The following IFRD1 variants were observed in gnomAD, a reference collection of about 807,000 sequenced individuals.
IFRD1 encodes the protein interferon-related developmental regulator 1.
Under a neutral mutation model 52.9 loss-of-function variants are expected in IFRD1, and 35 were observed. The observed-to-expected ratio is 0.66, with a 90% CI of 0.51 to 0.88. The LOEUF (loss-of-function observed/expected upper bound fraction) is 0.88. Ranked by LOEUF, IFRD1 falls within the 40% of genes least tolerant of loss-of-function variation. The pLI, the probability that IFRD1 is intolerant of heterozygous loss-of-function variation, is 0.00. For synonymous variants in IFRD1, 184 were observed against 188.4 expected (o/e 0.98, Z 0.19); for missense variants, 517 against 550.8 (o/e 0.94, Z 0.61).
In IFRD1 at chr7:112,467,629, G is replaced by A. The variant is rs79529595; in HGVS notation, c.907-352G>A. ...TCTGTGAATGTTTGGTTTGGGGACT[G>A]GGGAGCCAAGGGTAGAAGCTATATT... is the stretch of plus-strand genomic sequence containing the variant. On this transcript the variant is annotated intron_variant, in intron 8 of 11. Coordinates refer to ENST00000403825, the MANE Select transcript of IFRD1 (RefSeq NM_001550.4). 9.4e-3 allele frequency: 2,439 copies of A among 258,950 alleles called. 64 individuals are homozygous for A. The highest frequency in any genetic ancestry group is 0.051 in the African/African-American group (2,255 of 44,648). 16.0% of individuals were successfully genotyped at this position (258,950 alleles called of 1,614,324 possible). A position where few individuals can be genotyped will look rare whatever the true frequency, so the allele number is the denominator to read the frequency against.
chr7:112,461,922 T>TA lies in IFRD1; in HGVS notation c.618+12dup, dbSNP rs765817512. The TA allele has an allele frequency of 1.2e-5, 20 of 1,610,122 alleles. No homozygotes were observed. The Admixed American group carries it at 1.5e-4, about 12-fold the overall frequency. ...TTGCCACAGATGACATTACTGTAAGTAAAAAACCTTTGATTCTAGTTATCT... is the reference window on the plus strand; with the variant it reads ...TTGCCACAGATGACATTACTGTAAGTAAAAAAACCTTTGATTCTAGTTATCT... On this transcript the variant is annotated splice_region_variant and intron_variant, in intron 6 of 11. Coordinates refer to ENST00000403825, the MANE Select transcript of IFRD1 (RefSeq NM_001550.4).
upstream of IFRD1, among the ~76,000 whole-genome samples, chr7:112,449,489 C>T (rs1224139390): frequency 6.6e-6 from 1 of 152,036 alleles, no homozygotes. Context: ...GGTGGAGTGG[C>T]GGATGACTCA....
chr7:112,466,578 A>G (rs1275902494), intron 8 of IFRD1, among the ~76,000 whole-genome samples: 2 of 152,180 alleles, frequency 1.3e-5, no homozygotes, highest in African/African-American at 4.8e-5. Context: ...TGTCTCAGAC[A>G]TAGTCAGATG....
At chr7:112,428,406 G>C (rs1794474370) in intron 1 of IFRD1, among the ~76,000 whole-genome samples, 1 of 152,222 alleles carries the variant, frequency 6.6e-6, no homozygotes, top group Non-Finnish European at 1.5e-5. Flanking sequence ...AACGAGTTTG[G>C]AAAAGCTATT....
Position 112,462,007 on chromosome 7 carries a change from T to C in IFRD1, c.625T>C (p.Tyr209His). ...FIATDDITEL[Y>H]STLECLENIF... ...TCATATTCTTATGCATTAGGAACTA[T>C]ACTCAACTCTGGAATGTTTGGAAAA... The change falls in exon 7 of 12, where the codon TAC (tyrosine) becomes CAC (histidine). Residue 209 changes from tyrosine to histidine, a missense_variant. Transcript: ENST00000403825. 6.2e-7 allele frequency: 1 copy of C among 1,610,846 alleles called. No individual in the cohort carries two copies. Among genetic ancestry groups the C allele is most frequent in the Non-Finnish European group, 8.5e-7 (1 of 1,177,230 alleles).
At chr7:112,461,743 G>T in intron 5 of IFRD1, 123 bp from the exon 6 acceptor site, 1 of 560,010 alleles carries the variant, frequency 1.8e-6, no homozygotes, top group South Asian at 2.8e-5. Context: ...TATGTATAAT[G>T]TTTGGGACCT....
At chr7:112,441,311 C>T (rs1794881490) in intron 1 of IFRD1, among the ~76,000 whole-genome samples, 1 of 146,204 alleles carries the variant, frequency 6.8e-6, no homozygotes, top group African/African-American at 2.4e-5. Flanking sequence ...CAAAAATTAG[C>T]CGAGCATGGT....
intron 1 of IFRD1, among the ~76,000 whole-genome samples, chr7:112,423,850 T>C (rs1794372691): frequency 6.6e-6 from 1 of 152,192 alleles, no homozygotes; most frequent in African/African-American, 2.4e-5. Context: ...CGTGGATTTA[T>C]CATGTACATC....
At chr7:112,448,872 A>G (rs1795086805), upstream of IFRD1, among the ~76,000 whole-genome samples, 1 of 152,244 alleles carries the variant, frequency 6.6e-6, no homozygotes, top group Admixed American at 6.5e-5. Flanking sequence ...AAGGCATTAC[A>G]AGAACAGGAA....
At position 112,450,907 on chromosome 7, in the gene IFRD1, G is replaced by A. The variant is rs992588034; in HGVS notation, c.94+125G>A. Reference sequence around the variant, plus strand: ...CACATTTGCATTTCCAGGGTGCGTGGTTTGGCTACTGAACTACAATTCCCA... The same window carrying A: ...CACATTTGCATTTCCAGGGTGCGTGATTTGGCTACTGAACTACAATTCCCA... On this transcript the variant is annotated intron_variant, in intron 1 of 11. Transcript: ENST00000403825. 17 of 740,274 alleles carry A rather than the reference G, an allele frequency of 2.3e-5. No homozygotes were observed. In the Admixed American group the frequency reaches 2.9e-4, roughly 13 times the overall value. The allele number at this position is 740,274 out of a possible 1,614,324, so 45.9% of individuals were successfully genotyped here. A position where few individuals can be genotyped will look rare whatever the true frequency, so the allele number is the denominator to read the frequency against.
At chr7:112,453,840 GT>G (rs1795223223) in intron 1 of IFRD1, among the ~76,000 whole-genome samples, 3 of 151,754 alleles carry the variant, frequency 2.0e-5, no homozygotes, top group Admixed American at 6.6e-5. Flanking sequence ...TAAATTCTCT[GT>G]TTTGATTTTA....
rs1413071798 is a variant in IFRD1, at chr7:112,476,985, C to G, written c.*1466C>G. 6.6e-6 allele frequency: 1 copy of G among 152,158 alleles called. No individual in the cohort carries two copies. The highest frequency in any genetic ancestry group is 1.5e-5 in the Non-Finnish European group (1 of 68,024). The allele number at this position is 152,158 out of a possible 1,614,324, so 9.4% of individuals were successfully genotyped here. ...AATCATTTGCTGGCTTATGGAGTCA[C>G]TGTTGCTGAGTCCCATCCCCCAGTT... is the stretch of plus-strand genomic sequence containing the variant. On this transcript the variant is annotated 3_prime_UTR_variant, in exon 12 of 12. Transcript: ENST00000403825.
chr7:112,438,551 T>C (rs1402361792), intron 1 of IFRD1, among the ~76,000 whole-genome samples: 1 of 152,120 alleles, frequency 6.6e-6, no homozygotes, highest in Non-Finnish European at 1.5e-5. Context: ...ATTTTGAGAG[T>C]TCCTTGATCA....
intron 5 of IFRD1, chr7:112,461,400 A>G (rs909171724): frequency 5.2e-5 from 8 of 153,300 alleles, no homozygotes; most frequent in African/African-American, 1.9e-4. Flanking sequence ...TAAGCTTTCT[A>G]TCTTTGAATT....
chr7:112,448,509 C>T (rs1795079893), upstream of IFRD1, among the ~76,000 whole-genome samples: 1 of 152,210 alleles, frequency 6.6e-6, no homozygotes, highest in African/African-American at 2.4e-5. Context: ...TGTGAGACAT[C>T]TCATTCTGTA....
Position 112,456,045 on chromosome 7 carries a change from G to A in IFRD1, c.243G>A (p.Glu81=). The A allele has an allele frequency of 6.2e-7, 1 of 1,609,890 alleles. No homozygotes were observed. Among genetic ancestry groups the A allele is most frequent in the Non-Finnish European group, 8.5e-7 (1 of 1,176,272 alleles). The change falls in exon 3 of 12, where the codon GAG becomes GAA. Residue 81 remains glutamate, a synonymous_variant. Transcript: ENST00000403825. ...LDEEGTQEDL[E]YKLKGLIDLT... ...AGGAAGGAACTCAAGAAGACCTAGA[G>A]TACAAGTTGAAGGGATTAATTGACC...
At chr7:112,440,129 G>A (rs1342389904) in intron 1 of IFRD1, among the ~76,000 whole-genome samples, 1 of 152,148 alleles carries the variant, frequency 6.6e-6, no homozygotes. Flanking sequence ...GGGACTACAG[G>A]CGTTCGCCAC....
chr7:112,462,183 T>C lies in IFRD1; in HGVS notation c.797+4T>C. 6.2e-7 allele frequency: 1 copy of C among 1,613,500 alleles called. No individual in the cohort carries two copies. The highest frequency in any genetic ancestry group is 1.1e-5 in the South Asian group (1 of 91,076). ...AAGTGAAGAAAAAGCTTGAGATGTA[T>C]GTATTTTTAGTTTCATATTTTATAA... On this transcript the variant is annotated splice_donor_region_variant and intron_variant, in intron 7 of 11. Transcript: ENST00000403825.
exon 1 of IFRD1, chr7:112,423,227 A>G (rs879844081): frequency 2.6e-5 from 4 of 152,136 alleles, no homozygotes; most frequent in African/African-American, 4.8e-5. Context: ...GATGTGTGTA[A>G]TTCCTCCCAG....
Sources: allele counts gnomAD v4.1 joint callset (sites outside exome capture counted in the v4.1 genomes callset), GRCh38; gene constraint gnomAD v4.1.1; transcripts MANE v1.5; gene names NCBI Gene and HGNC (gene_info 2026-07-23, HGNC 2026-07-21).